DNAH5: variants seen among roughly 807,000 people sequenced by gnomAD.
DNAH5 encodes axonemal beta dynein heavy chain 5.
DNAH5 carries 372 observed loss-of-function variants against 518.2 expected under a neutral mutation model. That is an observed-to-expected ratio of 0.72 (90% CI 0.66 to 0.78). The LOEUF (loss-of-function observed/expected upper bound fraction) is 0.78. Among genes scored for constraint, DNAH5 ranks in the 30% least tolerant of loss-of-function variants. The pLI is 0.00. For missense variants in DNAH5, 5,523 were observed against 5,687.0 expected (o/e 0.97, Z 0.93); for synonymous variants, 2,039 against 2,025.9 (o/e 1.01, Z -0.17).
At chr5:13,909,632 T>C (rs925198133) in intron 12 of DNAH5, among the ~76,000 whole-genome samples, 2 of 152,228 alleles carry the variant, frequency 1.3e-5, no homozygotes, top group Admixed American at 6.5e-5. Context: ...GCTATGTCTC[T>C]TTATTTTTGA....
At chr5:13,915,522 T>A (rs1776553459) in intron 9 of DNAH5, among the ~76,000 whole-genome samples, 1 of 152,038 alleles carries the variant, frequency 6.6e-6, no homozygotes, top group Non-Finnish European at 1.5e-5. Context: ...AACATATAAT[T>A]TTAACGTATA....
intron 52 of DNAH5, among the ~76,000 whole-genome samples, chr5:13,783,229 C>G (rs557633571): frequency 2.0e-5 from 3 of 152,232 alleles, no homozygotes; most frequent in Admixed American, 2.0e-4. Flanking sequence ...GCCTGAAGTG[C>G]CCCCTGGGGT....
chr5:13,722,323 C>A (rs546392142), intron 70 of DNAH5, among the ~76,000 whole-genome samples: 2 of 152,330 alleles, frequency 1.3e-5, no homozygotes, highest in East Asian at 1.9e-4. Flanking sequence ...CTGGGCTCAT[C>A]CCTCATCTTC....
At chr5:13,878,087 T>C (rs1002311772) in intron 21 of DNAH5, among the ~76,000 whole-genome samples, 3 of 152,096 alleles carry the variant, frequency 2.0e-5, no homozygotes, top group African/African-American at 7.2e-5. Flanking sequence ...GGCCATTTAA[T>C]ATGAGCACAC....
intron 26 of DNAH5, 107 bp downstream of exon 26, chr5:13,866,113 C>A: frequency 9.6e-7 from 1 of 1,042,836 alleles, no homozygotes; most frequent in Non-Finnish European, 1.5e-6. Context: ...AAGTACATAC[C>A]ATATTCCACA....
In DNAH5 at chr5:13,752,293, G is replaced by C; in HGVS notation, c.10873-4C>G. ...ACTTGTGATTTAAAGACGTGATCTAGGAACAGGATCACAAGGTTGCTATTG... is the reference window on the plus strand; with the variant it reads ...ACTTGTGATTTAAAGACGTGATCTACGAACAGGATCACAAGGTTGCTATTG... On this transcript the variant is annotated splice_polypyrimidine_tract_variant and splice_region_variant and intron_variant, in intron 63 of 78. Transcript: ENST00000265104. 1 of 1,613,962 alleles carries C rather than the reference G, an allele frequency of 6.2e-7. No homozygotes were observed. Among genetic ancestry groups the C allele is most frequent in the South Asian group, 1.1e-5 (1 of 91,084 alleles).
intron 32 of DNAH5, 146 bp from the exon 33 acceptor site, chr5:13,842,050 T>TAAA (rs147371351): frequency 1.9e-5 from 10 of 521,644 alleles, no homozygotes; most frequent in East Asian, 9.9e-5. Flanking sequence ...TTCAAAACAA[T>TAAA]AAAAAAAAAA....
At chr5:13,723,749 T>G (rs1745361859) in intron 70 of DNAH5, among the ~76,000 whole-genome samples, 1 of 152,238 alleles carries the variant, frequency 6.6e-6, no homozygotes, top group Non-Finnish European at 1.5e-5. Context: ...GTGATTTTTT[T>G]CAGGCATTTA....
chr5:13,736,157 T>G (rs1283453687), intron 66 of DNAH5, among the ~76,000 whole-genome samples: 1 of 152,228 alleles, frequency 6.6e-6, no homozygotes, highest in African/African-American at 2.4e-5. Context: ...TACTTCTCAT[T>G]TTAGAATCTC....
At chr5:13,851,329 G>A (rs1463538941) in intron 30 of DNAH5, among the ~76,000 whole-genome samples, 3 of 152,098 alleles carry the variant, frequency 2.0e-5, no homozygotes, top group Non-Finnish European at 2.9e-5. Context: ...CCTTTTTTAA[G>A]ACAGGTCTCA....
At chr5:13,788,966 G>GGGAAT (rs751868900) in intron 50 of DNAH5, 52 bp from the exon 51 acceptor site, 35 of 1,523,006 alleles carry the variant, frequency 2.3e-5, no homozygotes, top group Non-Finnish European at 3.2e-5. Flanking sequence ...TGCCGTAATT[G>GGGAAT]GGAATTCAGG....
chr5:13,737,141 C>G (rs1747604049), intron 66 of DNAH5, 111 bp downstream of exon 66: 3 of 1,532,276 alleles, frequency 2.0e-6, no homozygotes, highest in Non-Finnish European at 2.7e-6. Context: ...CAAAACACCT[C>G]CACTTTGCAT....
chr5:13,831,952 G>A (rs889911740), intron 35 of DNAH5, among the ~76,000 whole-genome samples: 7 of 152,084 alleles, frequency 4.6e-5, no homozygotes, highest in South Asian at 4.1e-4. Context: ...TCAGGACTGC[G>A]GCAGGACAGC....
intron 1 of DNAH5, among the ~76,000 whole-genome samples, chr5:13,981,369 G>A (rs992156192): frequency 2.0e-5 from 3 of 152,222 alleles, no homozygotes; most frequent in Admixed American, 6.5e-5. Context: ...CCAGCACCGT[G>A]CCTGGCTTAG....
Position 13,786,274 on chromosome 5 carries a change from G to A in DNAH5, c.8725C>T (p.Arg2909Cys), listed in dbSNP as rs369744828. The A allele has an allele frequency of 2.0e-5, 33 of 1,613,838 alleles. No homozygotes were observed. Among genetic ancestry groups the A allele is most frequent in the South Asian group, 6.6e-5 (6 of 91,088 alleles). Reference protein sequence around the residue: ...PIESFSHLKERLNMFLQLYNE... With the variant: ...PIESFSHLKECLNMFLQLYNE... ...TAGAGCTGCAGGAACATATTCAGAC[G>A]CTCTTTTAGGTGACTAAAAGATTCA... Residue 2909 changes from arginine to cysteine, a missense_variant, in exon 52 of 79, where the codon CGT becomes TGT. By Grantham distance (180) the Arg-to-Cys change is radical (BLOSUM62 -3). This residue lies in a region of DNAH5 where 5,121 missense variants were observed against 5,223.3 expected (regional missense o/e 0.98). Transcript: ENST00000265104.
At chr5:13,988,948 C>T (rs1783280632) in intron 1 of DNAH5, among the ~76,000 whole-genome samples, 1 of 152,028 alleles carries the variant, frequency 6.6e-6, no homozygotes, top group Non-Finnish European at 1.5e-5. Flanking sequence ...GGCCTGGTCT[C>T]AAACTCCTGA....
At chr5:13,699,201 A>G (rs894656160) in intron 78 of DNAH5, among the ~76,000 whole-genome samples, 4 of 152,198 alleles carry the variant, frequency 2.6e-5, no homozygotes, top group Non-Finnish European at 4.4e-5. Context: ...TCTCAAAAGC[A>G]ATCACCCCTA....
chr5:13,944,470 T>C lies in DNAH5; in HGVS notation c.-32A>G. Reference sequence around the variant, plus strand: ...CGTGCATGGACAGGCTGGAGTCAGCTCTTCCGGAATGGTCTTCTAACTCCT... The same window carrying C: ...CGTGCATGGACAGGCTGGAGTCAGCCCTTCCGGAATGGTCTTCTAACTCCT... On this transcript the variant is annotated 5_prime_UTR_variant, in exon 1 of 79. Coordinates refer to ENST00000265104, the MANE Select transcript of DNAH5 (RefSeq NM_001369.3). 6.2e-7 allele frequency: 1 copy of C among 1,605,106 alleles called. No homozygotes were observed.
At chr5:13,770,616 C>A (rs912627230) in intron 56 of DNAH5, 133 bp downstream of exon 56, 1 of 792,460 alleles carries the variant, frequency 1.3e-6, no homozygotes, top group Non-Finnish European at 2.1e-6. Context: ...AGCAGTACCC[C>A]TTCCCTGCCC....
Sources: allele counts gnomAD v4.1 joint callset (sites outside exome capture counted in the v4.1 genomes callset), GRCh38; gene constraint gnomAD v4.1.1; regional missense constraint gnomAD v4.1.1; transcripts MANE v1.5; gene names NCBI Gene and HGNC (gene_info 2026-07-23, HGNC 2026-07-21).